Variants in FAF1 observed in about 807,000 individuals in gnomAD.
FAF1 encodes Fas associated factor 1.
In FAF1, 25 loss-of-function variants were observed where a neutral mutation model predicts 92.5. The ratio of observed to expected loss-of-function variants is 0.27; its 90% CI spans 0.20 to 0.38. The LOEUF (loss-of-function observed/expected upper bound fraction) is 0.38, where lower values mean the gene tolerates loss of function less well. Ranked by LOEUF, FAF1 falls within the 10% of genes least tolerant of loss-of-function variation. FAF1 has a pLI of 1.00. For synonymous variants in FAF1, 234 were observed against 273.2 expected, an observed-to-expected ratio of 0.86 and a Z score of 1.42; for missense variants, 636 against 793.3, an observed-to-expected ratio of 0.80 and a Z score of 2.38.
chr1:50,916,467 G>A (rs1241754756), intron 1 of FAF1, among the ~76,000 whole-genome samples: 2 of 152,102 alleles, frequency 1.3e-5, no homozygotes, highest in African/African-American at 4.8e-5. Context: ...CCTCTTTCTT[G>A]TGGCACTACC....
chr1:50,849,616 T>C (rs558371027), intron 2 of FAF1, among the ~76,000 whole-genome samples: 1 of 152,188 alleles, frequency 6.6e-6, no homozygotes, highest in South Asian at 2.1e-4. Flanking sequence ...ATATAGACTA[T>C]AGTGTACTAT....
At chr1:50,540,962 G>T (rs1195496478) in intron 13 of FAF1, among the ~76,000 whole-genome samples, 1 of 152,088 alleles carries the variant, frequency 6.6e-6, no homozygotes, top group African/African-American at 2.4e-5. Flanking sequence ...TAATATTTTA[G>T]GTAACAACTC....
chr1:50,848,737 TCAGA>T (rs1307428808), intron 2 of FAF1, among the ~76,000 whole-genome samples: 1 of 152,106 alleles, frequency 6.6e-6, no homozygotes, highest in Non-Finnish European at 1.5e-5. Context: ...TGAAAAAACA[TCAGA>T]CAAACCCAAA....
intron 13 of FAF1, among the ~76,000 whole-genome samples, chr1:50,562,439 G>A (rs1266627638): frequency 1.3e-5 from 2 of 152,100 alleles, no homozygotes; most frequent in East Asian, 1.9e-4. Flanking sequence ...TTCCCCATAC[G>A]TAATTATGAG....
chr1:50,612,778 A>T (rs1652738269), intron 8 of FAF1, among the ~76,000 whole-genome samples: 1 of 152,258 alleles, frequency 6.6e-6, no homozygotes, highest in East Asian at 1.9e-4. Context: ...ATAAATGGGT[A>T]CTATCTAGAA....
chr1:50,749,279 C>A lies in FAF1; in HGVS notation c.368-4504G>T, dbSNP rs146184283. Among the ~76,000 whole-genome samples the A allele has an allele frequency of 4.7e-3, 721 of 152,262 alleles. 5 individuals carry two copies. Among genetic ancestry groups the A allele is most frequent in the South Asian group, 1.0e-2 (48 of 4,824 alleles). On this transcript the variant is annotated intron_variant, in intron 4 of 18. Transcript: ENST00000396153. ...TCAGAAACCAATCTCCAAGACCTGA[C>A]ACCACCTTCTTACACTCTTGAAAAC...
At chr1:50,835,463 C>G (rs1557550742) in intron 2 of FAF1, among the ~76,000 whole-genome samples, 1 of 149,646 alleles carries the variant, frequency 6.7e-6, no homozygotes, top group East Asian at 2.0e-4. Context: ...AATCATTTAA[C>G]AGGAGGCTGA....
chr1:50,828,332 G>A (rs917351051), intron 2 of FAF1, among the ~76,000 whole-genome samples: 3 of 150,264 alleles, frequency 2.0e-5, no homozygotes, highest in Non-Finnish European at 4.4e-5. Context: ...GCAGTGGCAC[G>A]ATCTTGGCTC....
At chr1:50,768,924 C>T (rs1660677425) in intron 4 of FAF1, among the ~76,000 whole-genome samples, 4 of 151,666 alleles carry the variant, frequency 2.6e-5, no homozygotes, top group South Asian at 4.2e-4. Context: ...TAGGAGAAGA[C>T]AAGAAATAAC....
chr1:50,852,955 T>C (rs1344969770), intron 2 of FAF1, among the ~76,000 whole-genome samples: 1 of 152,160 alleles, frequency 6.6e-6, no homozygotes, highest in Non-Finnish European at 1.5e-5. Flanking sequence ...CAGAAATTGA[T>C]ATGATGAGCT....
chr1:50,889,761 T>C (rs538659169), intron 1 of FAF1, among the ~76,000 whole-genome samples: 1 of 152,222 alleles, frequency 6.6e-6, no homozygotes, highest in African/African-American at 2.4e-5. Flanking sequence ...CTTTTACATT[T>C]GCTGAGGAGT....
At chr1:50,657,588 AG>A (rs1455508815) in intron 7 of FAF1, among the ~76,000 whole-genome samples, 2 of 152,200 alleles carry the variant, frequency 1.3e-5, no homozygotes, top group African/African-American at 4.8e-5. Context: ...AAACTTCAAT[AG>A]GGTTCTTCAT....
At chr1:50,888,118 GTGT>G (rs1473250222) in intron 1 of FAF1, among the ~76,000 whole-genome samples, 3 of 152,132 alleles carry the variant, frequency 2.0e-5, no homozygotes, top group Non-Finnish European at 4.4e-5. Context: ...GGATTCCTAG[GTGT>G]TTTATTCTCT....
Position 50,710,913 on chromosome 1 carries a change from G to GT in FAF1, c.552-5023dup, listed in dbSNP as rs748376546. On this transcript the variant is annotated intron_variant, in intron 6 of 18. Coordinates refer to ENST00000396153, the MANE Select transcript of FAF1 (RefSeq NM_007051.3). ...CACCGAGCCCGGCCAAGTGGCATTT[G>GT]TTTTTTTTTTTTTTGAGATGGAGTC... Among the ~76,000 whole-genome samples, 1,129 of 113,018 alleles carry GT rather than the reference G, an allele frequency of 1.0e-2. 12 individuals carry two copies. The highest frequency in any genetic ancestry group is 0.02 in the Middle Eastern group (2 of 102). The allele number at this position is 113,018 out of a possible 152,430, so 74.1% of individuals were successfully genotyped here. A position where few individuals can be genotyped will look rare whatever the true frequency, so the allele number is the denominator to read the frequency against.
chr1:50,649,226 C>T (rs1298260906), intron 8 of FAF1, among the ~76,000 whole-genome samples: 1 of 151,790 alleles, frequency 6.6e-6, no homozygotes, highest in Non-Finnish European at 1.5e-5. Flanking sequence ...CGCAATCTCT[C>T]ACTGCAACCT....
chr1:50,617,823 T>C (rs1212911158), intron 8 of FAF1, among the ~76,000 whole-genome samples: 4 of 151,992 alleles, frequency 2.6e-5, no homozygotes, highest in Admixed American at 6.6e-5. Context: ...TTATTATTTA[T>C]TCAATTTCAA....
intron 7 of FAF1, among the ~76,000 whole-genome samples, chr1:50,668,881 T>C (rs1180187973): frequency 1.3e-5 from 2 of 152,300 alleles, no homozygotes. Context: ...AAGGAGGCAT[T>C]CTGAATAAAC....
chr1:50,480,812 T>C (rs973946520), intron 17 of FAF1, among the ~76,000 whole-genome samples: 2 of 152,158 alleles, frequency 1.3e-5, no homozygotes, highest in Non-Finnish European at 2.9e-5. Context: ...AAGTTAACCA[T>C]AAAACAGCCC....
At chr1:50,679,798 A>G (rs1022655795) in intron 7 of FAF1, among the ~76,000 whole-genome samples, 5 of 152,250 alleles carry the variant, frequency 3.3e-5, no homozygotes, top group African/African-American at 1.2e-4. Context: ...TTCTAAATGC[A>G]AATACTAAAA....
Sources: allele counts gnomAD v4.1 joint callset (sites outside exome capture counted in the v4.1 genomes callset), GRCh38; gene constraint gnomAD v4.1.1; transcripts MANE v1.5; gene names NCBI Gene and HGNC (gene_info 2026-07-23, HGNC 2026-07-21).